The following AXIN1 variants were observed in gnomAD, a reference collection of about 807,000 sequenced individuals.
AXIN1 encodes the protein axin 1.
Under a neutral mutation model 76.4 loss-of-function variants are expected in AXIN1, and 30 were observed. That is an observed-to-expected ratio of 0.39 (90% confidence interval 0.29 to 0.53). The LOEUF (loss-of-function observed/expected upper bound fraction) is 0.53, where lower values mean the gene tolerates loss of function less well. AXIN1 is among the 20% of genes least tolerant of loss of function. The probability of loss-of-function intolerance (pLI) is 0.66; values close to 1 mark genes in which losing one functional copy is unlikely to be tolerated. For synonymous variants in AXIN1, 545 were observed against 501.4 expected (o/e 1.09, Z -1.16); for missense variants, 1,140 against 1,198.8 (o/e 0.95, Z 0.72).
chr16:300,544 C>G (rs2052841681), intron 5 of AXIN1, among the ~76,000 whole-genome samples: 1 of 152,142 alleles, frequency 6.6e-6, no homozygotes, highest in Non-Finnish European at 1.5e-5. Context: ...CGTTTAGCAC[C>G]CAACTCTCAC....
At chr16:337,149 C>CA (rs398028563) in intron 2 of AXIN1, among the ~76,000 whole-genome samples, 784 of 30,570 alleles carry the variant, frequency 0.026, 128 homozygotes, top group African/African-American at 0.047. Flanking sequence ...GACCCCGTCT[C>CA]AAAAAAAAAA....
chr16:320,826 G>GCCTCCTGGGTACAACCTCCA (rs2053434547), intron 2 of AXIN1, among the ~76,000 whole-genome samples: 3 of 145,486 alleles, frequency 2.1e-5, no homozygotes, highest in Non-Finnish European at 4.5e-5. Context: ...TACAACCTCC[G>GCCTCCTGGGTACAACCTCCA]CCTCCTGGGT....
chr16:290,972 TGTC>T (rs2052540900), intron 9 of AXIN1: 3 of 608,534 alleles, frequency 4.9e-6, no homozygotes, highest in Non-Finnish European at 8.9e-6. Context: ...TTTGGTCACT[TGTC>T]ATCATGCTGG....
intron 5 of AXIN1, 115 bp downstream of exon 5, chr16:304,189 G>A: frequency 1.3e-6 from 2 of 1,554,640 alleles, no homozygotes; most frequent in Non-Finnish European, 1.7e-6. Flanking sequence ...AGGCCTCATG[G>A]GTCAGCAGGC....
chr16:346,746 C>T lies in AXIN1; in HGVS notation c.280G>A (p.Asp94Asn), dbSNP rs2141706474. The stretch of plus-strand genomic sequence containing the variant: ...AACAGGCTTATCCCATCTTGGTCAT[C>T]CAGCAGGGAATGCAGTGACTCAGCC... ...KWAESLHSLLDDQDGISLFRT... is the reference protein window; with the variant it reads ...KWAESLHSLLNDQDGISLFRT... The change falls in exon 2 of 11, where the codon GAT becomes AAT. Residue 94 changes from aspartate to asparagine, a missense_variant. Transcript: ENST00000262320. 3.7e-6 allele frequency: 6 copies of T among 1,600,476 alleles called. No homozygotes were observed. Among genetic ancestry groups the T allele is most frequent in the African/African-American group, 1.3e-5 (1 of 74,782 alleles).
rs2141511342 is a variant in AXIN1, at chr16:297,909, G to A, written c.1597C>T (p.Arg533Ter). 1 of 1,596,940 alleles carries A rather than the reference G, an allele frequency of 6.3e-7. No individual in the cohort carries two copies. Among genetic ancestry groups the A allele is most frequent in the Non-Finnish European group, 8.5e-7 (1 of 1,170,846 alleles). The stretch of plus-strand genomic sequence containing the variant: ...TGGTGGACGTGGTGGTGGACGTGTC[G>A]GTGGTGGTGCAGGCCGGCCGCGTCC... ...KLDAAGLHHH[R>*]HVHHHVHHST... The change falls in exon 6 of 11, where the codon CGA becomes TGA. Residue 533 changes from arginine to a stop codon, truncating the protein, a stop_gained. Transcript: ENST00000262320. LOFTEE classifies it high-confidence loss of function.
intron 2 of AXIN1, among the ~76,000 whole-genome samples, chr16:336,653 C>T (rs111910983): frequency 6.6e-6 from 1 of 151,990 alleles, no homozygotes; most frequent in African/African-American, 2.4e-5. Context: ...CTCATCTCTA[C>T]TAAAAATACA....
At chr16:294,196 TTGCCTGTAATCCCAATACTCTG>T (rs1453514478) in intron 7 of AXIN1, among the ~76,000 whole-genome samples, 1 of 151,736 alleles carries the variant, frequency 6.6e-6, no homozygotes, top group Non-Finnish European at 1.5e-5. Flanking sequence ...CAACCCTCAT[TTGCCTGTAATCCCAATACTCTG>T]GGAGGCCAAG....
Position 329,618 on chromosome 16 carries a change from G to GT in AXIN1, c.879-14936dup, listed in dbSNP as rs562589369. 5.7e-3 allele frequency among the ~76,000 whole-genome samples: 843 copies of GT among 147,838 alleles called. 9 individuals are homozygous for GT. Among genetic ancestry groups the GT allele is most frequent in the African/African-American group, 0.018 (722 of 40,224 alleles). On this transcript the variant is annotated intron_variant, in intron 2 of 10. Coordinates refer to ENST00000262320, the MANE Select transcript of AXIN1 (RefSeq NM_003502.4). ...ACAACACCATGCCCGGCTAATTTTT[G>GT]TTTTTTTTTGTTTTTGAGACGGAGT...
At chr16:305,075 CAGA>C (rs924523053) in intron 4 of AXIN1, among the ~76,000 whole-genome samples, 3 of 152,200 alleles carry the variant, frequency 2.0e-5, no homozygotes, top group Admixed American at 1.3e-4. Flanking sequence ...GAGACGCCTG[CAGA>C]AGGTGTGAGC....
At chr16:296,240 GCCACGCC>G (rs2052708703) in intron 7 of AXIN1, among the ~76,000 whole-genome samples, 2 of 152,278 alleles carry the variant, frequency 1.3e-5, no homozygotes, top group South Asian at 2.1e-4. Flanking sequence ...AGGCAGGAGG[GCCACGCC>G]CCAGGCGCTC....
At chr16:292,977 G>A in intron 8 of AXIN1, 1 of 165,414 alleles carries the variant, frequency 6.0e-6, no homozygotes. Context: ...AGAGGACACA[G>A]CGAGGAGGGC....
At chr16:318,570 T>A (rs1168917493) in intron 2 of AXIN1, among the ~76,000 whole-genome samples, 2 of 152,090 alleles carry the variant, frequency 1.3e-5, no homozygotes, top group Non-Finnish European at 1.5e-5. Flanking sequence ...AACGTTCTGG[T>A]CAAAGACACG....
chr16:322,456 T>C (rs1239882418), intron 2 of AXIN1, among the ~76,000 whole-genome samples: 1 of 152,118 alleles, frequency 6.6e-6, no homozygotes, highest in Non-Finnish European at 1.5e-5. Context: ...TCTGCACAGG[T>C]GTGGGAGGCC....
chr16:326,812 C>G (rs1040890363), intron 2 of AXIN1, among the ~76,000 whole-genome samples: 4 of 151,766 alleles, frequency 2.6e-5, no homozygotes, highest in Non-Finnish European at 5.9e-5. Context: ...TCCATAAAAT[C>G]AGGGATGTGG....
intron 5 of AXIN1, among the ~76,000 whole-genome samples, chr16:302,988 A>C (rs2052914246): frequency 6.6e-6 from 1 of 152,094 alleles, no homozygotes; most frequent in Non-Finnish European, 1.5e-5. Context: ...CAGCTTCCTG[A>C]ATACCTGGGA....
At chr16:334,219 C>T (rs1350372984) in intron 2 of AXIN1, among the ~76,000 whole-genome samples, 1 of 142,944 alleles carries the variant, frequency 7.0e-6, no homozygotes, top group Non-Finnish European at 1.5e-5. Flanking sequence ...AACACAGCAC[C>T]CAGTACCATG....
At chr16:342,086 C>T (rs959055063) in intron 2 of AXIN1, among the ~76,000 whole-genome samples, 1 of 152,194 alleles carries the variant, frequency 6.6e-6, no homozygotes, top group Non-Finnish European at 1.5e-5. Context: ...GTAACTCGCT[C>T]GGGTCCCCTT....
In AXIN1 at chr16:344,455, T is replaced by A. The variant is rs1236553141; in HGVS notation, c.878+1693A>T. On this transcript the variant is annotated intron_variant, in intron 2 of 10. Coordinates refer to ENST00000262320, the MANE Select transcript of AXIN1 (RefSeq NM_003502.4). ...AAAAAAAAAAAAAAAATTAACCAAT[T>A]AACCTACACAATCCTTTTTTGTTTT... Among the ~76,000 whole-genome samples, 5 of 148,722 alleles carry A rather than the reference T, an allele frequency of 3.4e-5. No homozygotes were observed. The East Asian group carries it at 9.9e-4, about 29-fold the overall frequency.
Sources: allele counts gnomAD v4.1 joint callset (sites outside exome capture counted in the v4.1 genomes callset), GRCh38; gene constraint gnomAD v4.1.1; transcripts MANE v1.5; gene names NCBI Gene and HGNC (gene_info 2026-07-23, HGNC 2026-07-21).